The following SNTB1 variants were observed in gnomAD, a reference collection of about 807,000 sequenced individuals.
SNTB1 encodes beta-1-syntrophin.
SNTB1 carries 36 observed loss-of-function variants against 48.9 expected under a neutral mutation model. The ratio of observed to expected loss-of-function variants is 0.74; its 90% CI spans 0.56 to 0.97. The LOEUF (loss-of-function observed/expected upper bound fraction) is 0.97. Ranked by LOEUF, SNTB1 falls within the 50% of genes least tolerant of loss-of-function variation. The pLI is 0.00. For synonymous variants in SNTB1, 299 were observed against 294.6 expected (o/e 1.01, Z -0.15); for missense variants, 786 against 703.4 (o/e 1.12, Z -1.33).
At chr8:120,651,391 C>T (rs1563842217) in intron 2 of SNTB1, among the ~76,000 whole-genome samples, 2 of 152,322 alleles carry the variant, frequency 1.3e-5, no homozygotes, top group Middle Eastern at 3.4e-3. Flanking sequence ...CCATCTACCT[C>T]TTTGTTCTAA....
intron 1 of SNTB1, among the ~76,000 whole-genome samples, chr8:120,760,297 CA>C (rs77673399): frequency 0.028 from 1,955 of 69,186 alleles, 17 homozygotes; most frequent in South Asian, 0.068. Flanking sequence ...AGAAACAAGC[CA>C]AAAAAAAAAA....
chr8:120,555,904 C>G (rs10086884), intron 4 of SNTB1, among the ~76,000 whole-genome samples: 3 of 152,116 alleles, frequency 2.0e-5, no homozygotes, highest in South Asian at 4.2e-4. Context: ...GGCAGCCATC[C>G]GCAAGCCAGG....
chr8:120,704,525 T>C (rs113712948), intron 1 of SNTB1, among the ~76,000 whole-genome samples: 2 of 151,988 alleles, frequency 1.3e-5, no homozygotes, highest in Non-Finnish European at 2.9e-5. Context: ...CATAAACTGA[T>C]AAAATATCAG....
intron 3 of SNTB1, among the ~76,000 whole-genome samples, chr8:120,609,232 T>TC (rs1392695876): frequency 7.2e-5 from 11 of 152,182 alleles, no homozygotes; most frequent in Non-Finnish European, 1.3e-4. Context: ...AAAAATATCT[T>TC]AAAAACTAGA....
intron 2 of SNTB1, among the ~76,000 whole-genome samples, chr8:120,682,342 G>T (rs530052263): frequency 3.3e-5 from 5 of 152,160 alleles, no homozygotes; most frequent in African/African-American, 4.8e-5. Context: ...TTTAAAAAGG[G>T]ACTGTATGAG....
At chr8:120,645,143 G>T (rs1225109483) in intron 2 of SNTB1, among the ~76,000 whole-genome samples, 1 of 151,568 alleles carries the variant, frequency 6.6e-6, no homozygotes, top group African/African-American at 2.4e-5. Context: ...AGTTTCTTTT[G>T]CTGTGCAGAA....
At chr8:120,795,842 C>T (rs539317406) in intron 1 of SNTB1, among the ~76,000 whole-genome samples, 1 of 151,950 alleles carries the variant, frequency 6.6e-6, no homozygotes, top group Non-Finnish European at 1.5e-5. Flanking sequence ...GATGCATCAT[C>T]CCCATCCCTG....
At chr8:120,768,731 G>A (rs1421541412) in intron 1 of SNTB1, 1 of 152,182 alleles carries the variant, frequency 6.6e-6, no homozygotes, top group Admixed American at 6.5e-5. Context: ...CTCTGGAAAC[G>A]TGGTGAATCT....
intron 1 of SNTB1, among the ~76,000 whole-genome samples, chr8:120,716,293 A>G (rs924821480): frequency 5.3e-5 from 8 of 152,224 alleles, no homozygotes; most frequent in Non-Finnish European, 1.0e-4. Context: ...GATTATTGAC[A>G]ATTTTCACTT....
At chr8:120,599,642 C>A (rs575403404) in intron 3 of SNTB1, among the ~76,000 whole-genome samples, 2 of 152,138 alleles carry the variant, frequency 1.3e-5, no homozygotes, top group South Asian at 2.1e-4. Context: ...TGGAGATTAG[C>A]CAATTGAACC....
At chr8:120,654,071 A>AAAAAAAAAAAAAAAT (rs1817457552) in intron 2 of SNTB1, among the ~76,000 whole-genome samples, 1 of 144,014 alleles carries the variant, frequency 6.9e-6, no homozygotes, top group African/African-American at 2.6e-5. Context: ...AAAAAAAAAA[A>AAAAAAAAAAAAAAAT]GTTGTCTTCT....
rs551861238 is a variant in SNTB1 at position 120,784,332 on chromosome 8, T to C, written c.571+26941A>G. Among the ~76,000 whole-genome samples, 7 of 152,084 alleles carry C rather than the reference T, an allele frequency of 4.6e-5. No individual in the cohort carries two copies. In the East Asian group the frequency reaches 1.2e-3, roughly 25 times the overall value. On this transcript the variant is annotated intron_variant, in intron 1 of 6. Transcript: ENST00000517992. ...TTAAAGGGATTTGAGTATCCAATGA[T>C]TATGGTATCCAAGGGAGTCTTGGAA...
At chr8:120,691,064 A>G (rs114877178) in intron 2 of SNTB1, among the ~76,000 whole-genome samples, 186 of 152,352 alleles carry the variant, frequency 1.2e-3, no homozygotes, top group African/African-American at 4.2e-3. Context: ...TAAAAGTTTG[A>G]AACTTATTCT....
intron 2 of SNTB1, among the ~76,000 whole-genome samples, chr8:120,645,127 G>T (rs954954273): frequency 6.6e-6 from 1 of 151,350 alleles, no homozygotes; most frequent in African/African-American, 2.4e-5. Flanking sequence ...TGTTCACTCT[G>T]ATGGTAGTTT....
At chr8:120,739,657 T>C (rs1320042639) in intron 1 of SNTB1, among the ~76,000 whole-genome samples, 1 of 152,192 alleles carries the variant, frequency 6.6e-6, no homozygotes, top group Non-Finnish European at 1.5e-5. Flanking sequence ...AGTTCAGGGT[T>C]CTCTGTGTTT....
At chr8:120,550,243 T>A (rs1815456333) in intron 4 of SNTB1, among the ~76,000 whole-genome samples, 1 of 151,808 alleles carries the variant, frequency 6.6e-6, no homozygotes, top group African/African-American at 2.4e-5. Context: ...GTTGGAAGAG[T>A]CATTAAAGAT....
rs72682556 is a variant in SNTB1, at chr8:120,766,464, T to C, written c.571+44809A>G. Among the ~76,000 whole-genome samples, 834 of 152,316 alleles carry C rather than the reference T, an allele frequency of 5.5e-3. 5 individuals are homozygous for C. The highest frequency in any genetic ancestry group is 0.01 in the Middle Eastern group (3 of 294). ...TTTCCATTTCATTATGTCTTCACTA[T>C]TGATTATACATTTATAATCACCCAC... On this transcript the variant is annotated intron_variant, in intron 1 of 6. Coordinates refer to ENST00000517992, the MANE Select transcript of SNTB1 (RefSeq NM_021021.4).
chr8:120,632,377 T>A, intron 3 of SNTB1, 67 bp downstream of exon 3: 1 of 1,393,650 alleles, frequency 7.2e-7, no homozygotes. Flanking sequence ...GAGATAGTTT[T>A]AGTGGTTATG....
intron 2 of SNTB1, chr8:120,637,763 G>A: frequency 2.6e-6 from 1 of 386,742 alleles, no homozygotes; most frequent in Non-Finnish European, 5.1e-6. Context: ...AAGACATTCT[G>A]TAATGTTTCT....
Sources: allele counts gnomAD v4.1 joint callset (sites outside exome capture counted in the v4.1 genomes callset), GRCh38; gene constraint gnomAD v4.1.1; transcripts MANE v1.5; gene names NCBI Gene and HGNC (gene_info 2026-07-23, HGNC 2026-07-21).